Variants in WDR70 observed in about 807,000 individuals in gnomAD.
WDR70 encodes the protein WD repeat-containing protein 70.
In WDR70, 53 loss-of-function variants were observed where a neutral mutation model predicts 88.6. The ratio of observed to expected loss-of-function variants is 0.60; its 90% CI spans 0.48 to 0.75. The LOEUF is 0.75. WDR70 is among the 30% of genes least tolerant of loss of function. The probability of loss-of-function intolerance (pLI) is 0.00; values close to 1 mark genes in which losing one functional copy is unlikely to be tolerated. For missense variants in WDR70, 610 were observed against 823.2 expected, an observed-to-expected ratio of 0.74 and a Z score of 3.17; for synonymous variants, 280 against 270.0, an observed-to-expected ratio of 1.04 and a Z score of -0.36.
intron 9 of WDR70, among the ~76,000 whole-genome samples, chr5:37,595,901 A>T (rs1743687508): frequency 6.6e-6 from 1 of 152,174 alleles, no homozygotes; most frequent in African/African-American, 2.4e-5. Flanking sequence ...TTAGGAATCA[A>T]CTTTGAGGTC....
At chr5:37,487,382 T>C (rs1400027722) in intron 8 of WDR70, among the ~76,000 whole-genome samples, 7 of 151,792 alleles carry the variant, frequency 4.6e-5, no homozygotes, top group Non-Finnish European at 1.0e-4. Flanking sequence ...TTTAACCTCT[T>C]TTCTGATTTC....
intron 9 of WDR70, among the ~76,000 whole-genome samples, chr5:37,555,588 A>G (rs557222165): frequency 2.6e-5 from 4 of 152,312 alleles, no homozygotes; most frequent in South Asian, 2.1e-4. Context: ...ATGTTTTTAC[A>G]TGTACTTGAG....
intron 10 of WDR70, among the ~76,000 whole-genome samples, chr5:37,622,829 C>T (rs866166316): frequency 5.3e-4 from 80 of 152,170 alleles, no homozygotes; most frequent in African/African-American, 1.9e-3. Context: ...CAACATGGCA[C>T]ATGTATACGT....
intron 9 of WDR70, among the ~76,000 whole-genome samples, chr5:37,574,082 T>C (rs575184635): frequency 8.5e-5 from 13 of 152,218 alleles, no homozygotes; most frequent in African/African-American, 3.1e-4. Flanking sequence ...CCTATGGAAG[T>C]TGAGAGGGGT....
intron 11 of WDR70, 131 bp from the exon 12 acceptor site, chr5:37,700,927 C>T (rs1581509846): frequency 1.7e-6 from 1 of 572,316 alleles, no homozygotes; most frequent in African/African-American, 1.9e-5. Flanking sequence ...TCTTTCTTCT[C>T]TCTTTCTCCC....
At chr5:37,735,406 T>C (rs1350539139) in intron 17 of WDR70, among the ~76,000 whole-genome samples, 10 of 152,204 alleles carry the variant, frequency 6.6e-5, no homozygotes. Context: ...GAGGAGGCTG[T>C]AGCTTAGAGA....
intron 7 of WDR70, among the ~76,000 whole-genome samples, chr5:37,467,516 T>A (rs1739192422): frequency 6.8e-6 from 1 of 146,594 alleles, no homozygotes; most frequent in South Asian, 2.2e-4. Context: ...CTTTGGGGGT[T>A]AGGGCTTTAT....
intron 10 of WDR70, among the ~76,000 whole-genome samples, chr5:37,626,563 G>A (rs1414743134): frequency 3.9e-5 from 6 of 152,106 alleles, no homozygotes; most frequent in Admixed American, 1.3e-4. Context: ...GATACTGGCT[G>A]TAGTTTTCCG....
Position 37,591,710 on chromosome 5 carries a change from A to C in WDR70, c.918-13354A>C, listed in dbSNP as rs6883839. 3.7e-3 allele frequency among the ~76,000 whole-genome samples: 562 copies of C among 152,356 alleles called. 2 individuals are homozygous for C. The highest frequency in any genetic ancestry group is 5.6e-3 in the Non-Finnish European group (380 of 68,032). On this transcript the variant is annotated intron_variant, in intron 9 of 17. Coordinates refer to ENST00000265107, the MANE Select transcript of WDR70 (RefSeq NM_018034.4). ...AAGGCCAACATTACCCTGATGCCTA[A>C]CGCAAAGTCACTTCAGAAAAAGGAA...
chr5:37,732,592 T>C (rs1748177444), intron 17 of WDR70, among the ~76,000 whole-genome samples: 1 of 152,116 alleles, frequency 6.6e-6, no homozygotes, highest in Non-Finnish European at 1.5e-5. Context: ...TTTATAATTT[T>C]TTAGCATCTG....
chr5:37,479,882 T>C lies in WDR70; in HGVS notation c.735T>C (p.Leu245=), dbSNP rs1179314588. ...ATAGTAACACAGGAGACATGATTCT[T>C]GTTGTATCTGGAAGCTCTCAGGCCA... is the stretch of plus-strand genomic sequence containing the variant. ...LQYSNTGDMI[L]VVSGSSQAKV... Residue 245 remains leucine, a synonymous_variant, in exon 8 of 18, where the codon CTT becomes CTC. Coordinates refer to ENST00000265107, the MANE Select transcript of WDR70 (RefSeq NM_018034.4). 6.2e-7 allele frequency: 1 copy of C among 1,614,164 alleles called. No homozygotes were observed. Among genetic ancestry groups the C allele is most frequent in the Non-Finnish European group, 8.5e-7 (1 of 1,180,012 alleles).
intron 13 of WDR70, 66 bp from the exon 14 acceptor site, chr5:37,721,049 T>A: frequency 7.3e-7 from 1 of 1,371,828 alleles, no homozygotes; most frequent in Non-Finnish European, 1.0e-6. Context: ...GCCATCAAAG[T>A]ACCAGCAGGA....
intron 10 of WDR70, among the ~76,000 whole-genome samples, chr5:37,662,681 C>T (rs1745734682): frequency 6.6e-6 from 1 of 152,096 alleles, no homozygotes; most frequent in South Asian, 2.1e-4. Flanking sequence ...TTTTGAATGC[C>T]TGTAAATTGT....
chr5:37,732,197 A>G (rs1748163455), intron 17 of WDR70, among the ~76,000 whole-genome samples: 1 of 152,140 alleles, frequency 6.6e-6, no homozygotes, highest in Non-Finnish European at 1.5e-5. Flanking sequence ...AATTTATTAT[A>G]TGTCCTCTGA....
rs373331984 is a variant in WDR70 at position 37,598,582 on chromosome 5, G to A, written c.918-6482G>A. On this transcript the variant is annotated intron_variant, in intron 9 of 17. Coordinates refer to ENST00000265107, the MANE Select transcript of WDR70 (RefSeq NM_018034.4). ...CAGATTGAGACAGTTTTCACAATAA[G>A]GGAAAGGGAAAGAAAGCAGTTCACC... is the stretch of plus-strand genomic sequence containing the variant. 1.9e-3 allele frequency among the ~76,000 whole-genome samples: 284 copies of A among 152,196 alleles called. 1 individual carries two copies. Among genetic ancestry groups the A allele is most frequent in the African/African-American group, 6.6e-3 (275 of 41,536 alleles).
At chr5:37,749,479 G>T (rs530483076) in intron 17 of WDR70, among the ~76,000 whole-genome samples, 2 of 152,028 alleles carry the variant, frequency 1.3e-5, no homozygotes, top group East Asian at 3.9e-4. Context: ...TAGAGGACAG[G>T]TCATGCAGCA....
chr5:37,687,211 G>T (rs1435018251), intron 10 of WDR70, among the ~76,000 whole-genome samples: 1 of 152,084 alleles, frequency 6.6e-6, no homozygotes, highest in African/African-American at 2.4e-5. Context: ...GGTCACCTTT[G>T]TCTCTTTTTC....
At chr5:37,705,385 T>C (rs1406027046) in intron 13 of WDR70, among the ~76,000 whole-genome samples, 1 of 152,122 alleles carries the variant, frequency 6.6e-6, no homozygotes, top group Non-Finnish European at 1.5e-5. Context: ...TTGAATCATC[T>C]GAGAAAAGCT....
chr5:37,461,005 T>G (rs1581301877), intron 7 of WDR70, among the ~76,000 whole-genome samples: 1 of 151,966 alleles, frequency 6.6e-6, no homozygotes, highest in East Asian at 1.9e-4. Flanking sequence ...TTTTTTCATT[T>G]TTCAACTTTG....
Sources: allele counts gnomAD v4.1 joint callset (sites outside exome capture counted in the v4.1 genomes callset), GRCh38; gene constraint gnomAD v4.1.1; transcripts MANE v1.5; gene names NCBI Gene and HGNC (gene_info 2026-07-23, HGNC 2026-07-21).